The following BSND variants were observed in gnomAD, a reference collection of about 807,000 sequenced individuals.
The protein encoded by BSND is barttin.
A neutral mutation model predicts 18.8 loss-of-function variants in BSND; 13 were observed. The ratio of observed to expected loss-of-function variants is 0.69; its 90% CI spans 0.45 to 1.10. BSND has a LOEUF of 1.10. BSND is among the 50% of genes least tolerant of loss of function. The pLI, the probability that BSND is intolerant of heterozygous loss-of-function variation, is 0.00. For synonymous variants in BSND, 170 were observed against 161.8 expected, an observed-to-expected ratio of 1.05 and a Z score of -0.39; for missense variants, 379 against 416.7, an observed-to-expected ratio of 0.91 and a Z score of 0.79.
intron 2 of BSND, among the ~76,000 whole-genome samples, chr1:55,006,151 CT>C (rs1307396788): frequency 6.6e-6 from 1 of 152,198 alleles, no homozygotes; most frequent in Non-Finnish European, 1.5e-5. Context: ...TTTTCTGCCC[CT>C]GGCACCCAAG....
At chr1:55,007,347 G>T in intron 3 of BSND, 75 bp downstream of exon 3, 5 of 1,401,026 alleles carry the variant, frequency 3.6e-6, no homozygotes, top group Non-Finnish European at 4.8e-6. Flanking sequence ...GGGGACCGCC[G>T]AGGGGTGGGT....
intron 3 of BSND, among the ~76,000 whole-genome samples, chr1:55,007,838 C>T (rs961586906): frequency 2.6e-5 from 4 of 152,196 alleles, no homozygotes; most frequent in African/African-American, 9.7e-5. Context: ...CTGGAATCTA[C>T]CCCTGAGGAG....
Position 55,007,099 on chromosome 1 carries a change from T to C in BSND, c.375T>C (p.Ser125=), listed in dbSNP as rs751676380. Residue 125 remains serine, a synonymous_variant, in exon 3 of 4, where the codon AGT becomes AGC. Coordinates refer to ENST00000651561, the MANE Select transcript of BSND (RefSeq NM_057176.3). The part of the protein sequence containing the change: ...SHIQMKVMSY[S]EDHRSLLAPE... ...TCCAGATGAAAGTCATGAGCTACAG[T>C]GAGGACCACCGCTCCTTGCTGGCCC... The C allele has an allele frequency of 1.8e-5, 29 of 1,613,956 alleles. No homozygotes were observed. The highest frequency in any genetic ancestry group is 2.5e-5 in the Non-Finnish European group (29 of 1,180,010).
intron 1 of BSND, among the ~76,000 whole-genome samples, chr1:55,000,778 A>C (rs181838115): frequency 2.0e-5 from 3 of 152,344 alleles, no homozygotes; most frequent in Non-Finnish European, 4.4e-5. Context: ...CACTGGGAGA[A>C]GTCCTTGGGG....
chr1:54,999,015 G>C lies in BSND; in HGVS notation c.-172G>C, dbSNP rs1644346743. 2 of 739,626 alleles carry C rather than the reference G, an allele frequency of 2.7e-6. No homozygotes were observed. The highest frequency in any genetic ancestry group is 4.4e-6 in the Non-Finnish European group (2 of 456,880). The allele number at this position is 739,626 out of a possible 1,614,324, so 45.8% of individuals were successfully genotyped here. On this transcript the variant is annotated 5_prime_UTR_variant, in exon 1 of 4. Transcript: ENST00000651561. Reference sequence around the variant, plus strand: ...AGCCGCCTCCAGCCCTGTTGAACTGGTGGGCCCAGGGACTGGAGCGGGATT... The same window carrying C: ...AGCCGCCTCCAGCCCTGTTGAACTGCTGGGCCCAGGGACTGGAGCGGGATT...
At position 55,008,336 on chromosome 1, in the gene BSND, C is replaced by T; in HGVS notation, c.671C>T (p.Pro224Leu). The change falls in exon 4 of 4, where the codon CCA becomes CTA. Residue 224 changes from proline to leucine, a missense_variant. Transcript: ENST00000651561. ...SPHDREEACS[P>L]QQEPQGCRCP... ...CATGACAGGGAGGAAGCTTGTTCCC[C>T]ACAACAGGAACCTCAGGGCTGCAGG... 1 of 1,614,206 alleles carries T rather than the reference C, an allele frequency of 6.2e-7. No homozygotes were observed. Among genetic ancestry groups the T allele is most frequent in the South Asian group, 1.1e-5 (1 of 91,088 alleles).
In BSND at chr1:55,012,310, T is replaced by C. The variant is rs139902163; in HGVS notation, c.*3682T>C. Among the ~76,000 whole-genome samples the C allele has an allele frequency of 6.6e-6, 1 of 152,280 alleles. No homozygotes were observed. The highest frequency in any genetic ancestry group is 1.5e-5 in the Non-Finnish European group (1 of 68,000). On this transcript the variant is annotated 3_prime_UTR_variant, in exon 4 of 4. Transcript: ENST00000651561. The stretch of plus-strand genomic sequence containing the variant: ...CCATGCAAGACACCGTCACCCCTAT[T>C]ACCCTATCTAGTCCGTGAAACAGCC...
In BSND at chr1:55,010,090, G is replaced by C. The variant is rs1257847625; in HGVS notation, c.*1462G>C. The C allele has an allele frequency of 1.3e-5, 2 of 152,216 alleles. No homozygotes were observed. The highest frequency in any genetic ancestry group is 4.8e-5 in the African/African-American group (2 of 41,444). The allele number at this position is 152,216 out of a possible 1,614,324, so 9.4% of individuals were successfully genotyped here. On this transcript the variant is annotated 3_prime_UTR_variant, in exon 4 of 4. Transcript: ENST00000651561. The stretch of plus-strand genomic sequence containing the variant: ...GGCATTTAGTGAGCATCTACTATAT[G>C]CCAGATATTGAGCTGTGATCTCTAG...
Position 55,005,067 on chromosome 1 carries a change from C to T in BSND, c.223C>T (p.Pro75Ser). ...ADSDFQGILS[P>S]KAMGLLENGL... ...CTCTGACTTTCAAGGCATCCTCTCC[C>T]CAAAGGCCATGGGCCTGCTGGAGAA... is the stretch of plus-strand genomic sequence containing the variant. The change falls in exon 2 of 4, where the codon CCA (proline) becomes TCA (serine). Residue 75 changes from proline to serine, a missense_variant. Coordinates refer to ENST00000651561, the MANE Select transcript of BSND (RefSeq NM_057176.3). 1 of 1,614,194 alleles carries T rather than the reference C, an allele frequency of 6.2e-7. No individual in the cohort carries two copies. The highest frequency in any genetic ancestry group is 8.5e-7 in the Non-Finnish European group (1 of 1,180,036).
At position 55,016,158 on chromosome 1, in the gene BSND, T is replaced by G. The variant is rs753133837; in HGVS notation, c.*7530T>G. ...CCATGGAAGGAGGGCTTTGCAGTGCTGAGAGCTGCCCAAAGAATGGGTAGG... is the reference window on the plus strand; with the variant it reads ...CCATGGAAGGAGGGCTTTGCAGTGCGGAGAGCTGCCCAAAGAATGGGTAGG... On this transcript the variant is annotated 3_prime_UTR_variant, in exon 4 of 4. Coordinates refer to ENST00000651561, the MANE Select transcript of BSND (RefSeq NM_057176.3). Among the ~76,000 whole-genome samples, 51 of 152,156 alleles carry G rather than the reference T, an allele frequency of 3.4e-4. No homozygotes were observed. The highest frequency in any genetic ancestry group is 5.6e-4 in the Non-Finnish European group (38 of 68,014).
At chr1:55,002,874 G>A (rs1186685618) in intron 1 of BSND, among the ~76,000 whole-genome samples, 1 of 152,208 alleles carries the variant, frequency 6.6e-6, no homozygotes, top group African/African-American at 2.4e-5. Flanking sequence ...TGATGATGGT[G>A]AGGATGGTGA....
chr1:55,001,213 T>C (rs1200671644), intron 1 of BSND, among the ~76,000 whole-genome samples: 3 of 134,756 alleles, frequency 2.2e-5, no homozygotes, highest in African/African-American at 6.7e-5. Context: ...TGTGTGTGTG[T>C]GTGTGTGTGT....
rs554087220 is a variant in BSND at position 55,002,386 on chromosome 1, G to A, written c.178-2636G>A. On this transcript the variant is annotated intron_variant, in intron 1 of 3. Transcript: ENST00000651561. The stretch of plus-strand genomic sequence containing the variant: ...AGGGGAGCTGTGAGCAGGGAAAGGA[G>A]TGGCAGGGAGAGCAGGGTCTCTGCC... Among the ~76,000 whole-genome samples the A allele has an allele frequency of 1.2e-4, 18 of 152,334 alleles. No individual in the cohort carries two copies. In the East Asian group the frequency reaches 3.1e-3, roughly 26 times the overall value.
Position 55,009,024 on chromosome 1 carries a change from G to T in BSND, c.*396G>T. The T allele has an allele frequency of 3.0e-6, 1 of 330,344 alleles. No individual in the cohort carries two copies. The highest frequency in any genetic ancestry group is 5.8e-6 in the Non-Finnish European group (1 of 171,500). The allele number at this position is 330,344 out of a possible 1,614,324, so 20.5% of individuals were successfully genotyped here. A position where few individuals can be genotyped will look rare whatever the true frequency, so the allele number is the denominator to read the frequency against. On this transcript the variant is annotated 3_prime_UTR_variant, in exon 4 of 4. Transcript: ENST00000651561. ...GTGTCTTATAGTCCACTTGGTAGAT[G>T]GCGTGATCCGTCTTTACACAGAGGG...
chr1:55,002,376 A>G (rs1422949111), intron 1 of BSND, among the ~76,000 whole-genome samples: 1 of 152,218 alleles, frequency 6.6e-6, no homozygotes, highest in Non-Finnish European at 1.5e-5. Flanking sequence ...AGCTGTGAGC[A>G]GGGAAAGGAG....
chr1:55,014,604 A>G lies in BSND; in HGVS notation c.*5976A>G, dbSNP rs563729626. Among the ~76,000 whole-genome samples, 12 of 152,344 alleles carry G rather than the reference A, an allele frequency of 7.9e-5. No homozygotes were observed. The East Asian group carries it at 2.1e-3, about 27-fold the overall frequency. ...TACAAGCACTGTGTCATCCAAGCACATGTATAATTCGAGCTTTGTATCGTC... is the reference window on the plus strand; with the variant it reads ...TACAAGCACTGTGTCATCCAAGCACGTGTATAATTCGAGCTTTGTATCGTC... On this transcript the variant is annotated 3_prime_UTR_variant, in exon 4 of 4. Coordinates refer to ENST00000651561, the MANE Select transcript of BSND (RefSeq NM_057176.3).
At position 54,999,068 on chromosome 1, in the gene BSND, C is replaced by G. The variant is rs1463341800; in HGVS notation, c.-119C>G. 2 of 1,282,240 alleles carry G rather than the reference C, an allele frequency of 1.6e-6. No individual in the cohort carries two copies. Among genetic ancestry groups the G allele is most frequent in the African/African-American group, 1.5e-5 (1 of 68,394 alleles). The allele number at this position is 1,282,240 out of a possible 1,614,324, so 79.4% of individuals were successfully genotyped here. A position where few individuals can be genotyped will look rare whatever the true frequency, so the allele number is the denominator to read the frequency against. On this transcript the variant is annotated 5_prime_UTR_variant, in exon 1 of 4. Transcript: ENST00000651561. ...AAGGGATCTTGCTCTCCCTTGAAGC[C>G]TTGAGTTGCAGCGATTTCAGTGTCT...
In BSND at chr1:54,998,963, G is replaced by A. The variant is rs1644346436; in HGVS notation, c.-224G>A. ...GAAGGTGAGAGGGCAAGGAGTAAAG[G>A]TGGCTGGGTGTGGGTCCGTTGAAGC... On this transcript the variant is annotated 5_prime_UTR_variant, in exon 1 of 4. In the 5' UTR this introduces an upstream ATG that the reference lacks. Coordinates refer to ENST00000651561, the MANE Select transcript of BSND (RefSeq NM_057176.3). 2 of 579,448 alleles carry A rather than the reference G, an allele frequency of 3.5e-6. No individual in the cohort carries two copies. Among genetic ancestry groups the A allele is most frequent in the Non-Finnish European group, 6.2e-6 (2 of 325,078 alleles). The allele number at this position is 579,448 out of a possible 1,614,324, so 35.9% of individuals were successfully genotyped here. A position where few individuals can be genotyped will look rare whatever the true frequency, so the allele number is the denominator to read the frequency against.
At chr1:55,005,340 G>T (rs1233973985) in intron 2 of BSND, among the ~76,000 whole-genome samples, 4 of 152,170 alleles carry the variant, frequency 2.6e-5, no homozygotes, top group African/African-American at 4.8e-5. Flanking sequence ...GTCTTGTCAG[G>T]GACGAGACAG....
Sources: allele counts gnomAD v4.1 joint callset (sites outside exome capture counted in the v4.1 genomes callset), GRCh38; gene constraint gnomAD v4.1.1; transcripts MANE v1.5; gene names NCBI Gene and HGNC (gene_info 2026-07-23, HGNC 2026-07-21).